Variants in ASXL1 observed in about 807,000 individuals in gnomAD.
ASXL1 encodes polycomb group protein ASXL1.
ASXL1 carries 65 observed loss-of-function variants against 89.1 expected under a neutral mutation model. The ratio of observed to expected loss-of-function variants is 0.73; its 90% CI spans 0.60 to 0.90. The LOEUF (loss-of-function observed/expected upper bound fraction) is 0.90. ASXL1 is among the 40% of genes least tolerant of loss of function. The pLI is 0.00. For synonymous variants in ASXL1, 739 were observed against 746.9 expected (o/e 0.99, Z 0.17); for missense variants, 1,786 against 1,942.9 (o/e 0.92, Z 1.52).
At position 32,434,713 on chromosome 20, in the gene ASXL1, T is replaced by C; in HGVS notation, c.2001T>C (p.Asp667=). Residue 667 remains aspartate, a synonymous_variant, in exon 13 of 13, where the codon GAT becomes GAC. Coordinates refer to ENST00000375687, the MANE Select transcript of ASXL1 (RefSeq NM_015338.6). ...GTGGCAGAGGCAGCAGCAGTGGTGA[T>C]GGTGGTGAGGCCTGTGGCCACCCTG... ...EGGGRGSSSG[D]GGEACGHPEP... 1 of 1,610,090 alleles carries C rather than the reference T, an allele frequency of 6.2e-7. No individual in the cohort carries two copies. The highest frequency in any genetic ancestry group is 8.5e-7 in the Non-Finnish European group (1 of 1,178,630).
chr20:32,430,913 C>T, intron 8 of ASXL1: 3 of 437,224 alleles, frequency 6.9e-6, no homozygotes, highest in South Asian at 6.3e-5. Flanking sequence ...AGCCCATTCA[C>T]AGAAGGCTTC....
chr20:32,395,933 T>C (rs6141701), intron 4 of ASXL1, among the ~76,000 whole-genome samples: 53,363 of 151,848 alleles, frequency 0.35, 10,451 homozygotes, highest in East Asian at 0.73. Context: ...CAAGTAGCTG[T>C]GATTACAGGC....
At chr20:32,405,661 C>T (rs989341133) in intron 4 of ASXL1, among the ~76,000 whole-genome samples, 8 of 152,094 alleles carry the variant, frequency 5.3e-5, no homozygotes, top group African/African-American at 1.9e-4. Context: ...ATTTTCGTGA[C>T]CTTGACTCCT....
rs2048052111 is a variant in ASXL1, at chr20:32,358,621, GC to G, written c.-152del. 1 of 189,952 alleles carries G rather than the reference GC, an allele frequency of 5.3e-6. No homozygotes were observed. Among genetic ancestry groups the G allele is most frequent in the Non-Finnish European group, 1.0e-5 (1 of 99,098 alleles). 11.8% of individuals were successfully genotyped at this position (189,952 alleles called of 1,614,324 possible). A position where few individuals can be genotyped will look rare whatever the true frequency, so the allele number is the denominator to read the frequency against. On this transcript the variant is annotated 5_prime_UTR_variant, in exon 1 of 13. Coordinates refer to ENST00000375687, the MANE Select transcript of ASXL1 (RefSeq NM_015338.6). ...CTCTCGCGCCAGCCGGTCCCCGCGT[GC>G]CCGCCCCTTCTCCCCGGCCGCACCC...
At chr20:32,394,825 T>C (rs111304952) in intron 4 of ASXL1, among the ~76,000 whole-genome samples, 2 of 152,078 alleles carry the variant, frequency 1.3e-5, no homozygotes, top group Admixed American at 6.6e-5. Flanking sequence ...GTGATTCTTA[T>C]GCCTCAGCCT....
At chr20:32,384,662 C>G (rs578155959) in intron 4 of ASXL1, among the ~76,000 whole-genome samples, 1 of 152,242 alleles carries the variant, frequency 6.6e-6, no homozygotes, top group Admixed American at 6.5e-5. Context: ...TTTCAGGGCC[C>G]TGGTCAGAGT....
chr20:32,374,858 ATT>A (rs1052982199), intron 4 of ASXL1, among the ~76,000 whole-genome samples: 3 of 152,164 alleles, frequency 2.0e-5, no homozygotes, highest in Admixed American at 6.5e-5. Flanking sequence ...ATATATATAT[ATT>A]TTTACTTTAC....
At position 32,434,738 on chromosome 20, in the gene ASXL1, G is replaced by A. The variant is rs1026621329; in HGVS notation, c.2026G>A (p.Glu676Lys). The A allele has an allele frequency of 3.7e-6, 6 of 1,612,810 alleles. No homozygotes were observed. The highest frequency in any genetic ancestry group is 5.1e-6 in the Non-Finnish European group (6 of 1,179,776). ...TGGTGGTGAGGCCTGTGGCCACCCTGAGCCCAGGGGAGGCCCGAGCACCCC... is the reference window on the plus strand; with the variant it reads ...TGGTGGTGAGGCCTGTGGCCACCCTAAGCCCAGGGGAGGCCCGAGCACCCC... ...GDGGEACGHPEPRGGPSTPGK... is the reference protein window; with the variant it reads ...GDGGEACGHPKPRGGPSTPGK... The change falls in exon 13 of 13, where the codon GAG becomes AAG. Residue 676 changes from glutamate to lysine, a missense_variant. Physicochemically the swap from Glu to Lys is moderately conservative, Grantham distance 56. This residue lies in a region of ASXL1 where 1,418 missense variants were observed against 1,427.8 expected (regional missense o/e 0.99). Coordinates refer to ENST00000375687, the MANE Select transcript of ASXL1 (RefSeq NM_015338.6).
chr20:32,376,877 A>G (rs1247915980), intron 4 of ASXL1, among the ~76,000 whole-genome samples: 1 of 145,030 alleles, frequency 6.9e-6, no homozygotes, highest in Non-Finnish European at 1.5e-5. Flanking sequence ...TATGTTATAT[A>G]TTTTATATTT....
chr20:32,367,611 T>C (rs2048227873), intron 2 of ASXL1, 116 bp from the exon 3 acceptor site: 14 of 744,424 alleles, frequency 1.9e-5, no homozygotes, highest in Admixed American at 9.1e-5. Flanking sequence ...ACATCACATT[T>C]ATTTGACTTG....
chr20:32,432,469 G>C (rs1431270669), intron 10 of ASXL1: 5 of 260,874 alleles, frequency 1.9e-5, no homozygotes, highest in Non-Finnish European at 3.7e-5. Context: ...AAGCCGTATT[G>C]TTTGCATAAA....
At chr20:32,426,345 A>AGT (rs2011285373) in intron 4 of ASXL1, among the ~76,000 whole-genome samples, 1 of 152,080 alleles carries the variant, frequency 6.6e-6, no homozygotes, top group South Asian at 2.1e-4. Context: ...TAACTTTGCC[A>AGT]GTGTAATAGA....
In ASXL1 at chr20:32,403,834, A is replaced by G. The variant is rs549551574; in HGVS notation, c.253-24294A>G. ...TGACATCTTGGCCATGTTGTCTTCC[A>G]GTTCATGGATATAGTATGTTTTTTT... On this transcript the variant is annotated intron_variant, in intron 4 of 12. Transcript: ENST00000375687. 9.2e-5 allele frequency among the ~76,000 whole-genome samples: 14 copies of G among 152,246 alleles called. No individual in the cohort carries two copies. The South Asian group carries it at 2.7e-3, about 29-fold the overall frequency.
At chr20:32,374,829 C>T (rs1008638905) in intron 4 of ASXL1, among the ~76,000 whole-genome samples, 1 of 152,088 alleles carries the variant, frequency 6.6e-6, no homozygotes, top group Non-Finnish European at 1.5e-5. Flanking sequence ...ACACCCTAAT[C>T]CAAGGTGGTG....
chr20:32,434,612 A>T lies in ASXL1; in HGVS notation c.1900A>T (p.Arg634Ter). ...VRGARGHHCH[R>*]EAATTAIGGG... ...AGGGGCGAGAGGTCACCACTGCCAT[A>T]GAGAGGCGGCCACCACTGCCATCGG... is the stretch of plus-strand genomic sequence containing the variant. The change falls in exon 13 of 13, where the codon AGA becomes TGA. Residue 634 changes from arginine (R) to a stop codon, truncating the protein, a stop_gained. Coordinates refer to ENST00000375687, the MANE Select transcript of ASXL1 (RefSeq NM_015338.6). LOFTEE classifies it low-confidence loss of function (END_TRUNC). 1 of 1,610,820 alleles carries T rather than the reference A, an allele frequency of 6.2e-7. No homozygotes were observed. The highest frequency in any genetic ancestry group is 8.5e-7 in the Non-Finnish European group (1 of 1,178,518).
Position 32,358,696 on chromosome 20 carries a change from C to T in ASXL1, c.-80C>T. Reference sequence around the variant, plus strand: ...CACGCGCCCCCCCCACCGCCGCCGCCGCCCCAGCCCCGCGCCACCGCCCCA... The same window carrying T: ...CACGCGCCCCCCCCACCGCCGCCGCTGCCCCAGCCCCGCGCCACCGCCCCA... On this transcript the variant is annotated 5_prime_UTR_variant, in exon 1 of 13. Coordinates refer to ENST00000375687, the MANE Select transcript of ASXL1 (RefSeq NM_015338.6). 1.9e-5 allele frequency: 14 copies of T among 734,312 alleles called. No homozygotes were observed. Among genetic ancestry groups the T allele is most frequent in the Non-Finnish European group, 2.5e-5 (14 of 568,584 alleles). 45.5% of individuals were successfully genotyped at this position (734,312 alleles called of 1,614,324 possible).
In ASXL1 at chr20:32,417,171, G is replaced by A. The variant is rs562867817; in HGVS notation, c.253-10957G>A. Among the ~76,000 whole-genome samples, 10 of 152,140 alleles carry A rather than the reference G, an allele frequency of 6.6e-5. No homozygotes were observed. In the South Asian group the frequency reaches 2.1e-3, roughly 32 times the overall value. On this transcript the variant is annotated intron_variant, in intron 4 of 12. Transcript: ENST00000375687. ...TAAAAATTAATGTGTTTGATTATGGGTTGCTGGTGGTGCTGATACACAATA... is the reference window on the plus strand; with the variant it reads ...TAAAAATTAATGTGTTTGATTATGGATTGCTGGTGGTGCTGATACACAATA...
intron 1 of ASXL1, among the ~76,000 whole-genome samples, chr20:32,362,146 C>T (rs763780443): frequency 2.6e-5 from 4 of 152,136 alleles, no homozygotes; most frequent in Non-Finnish European, 5.9e-5. Context: ...TTTGTGAGAG[C>T]GTACACTGGA....
At chr20:32,364,102 T>A (rs1266055800) in intron 1 of ASXL1, among the ~76,000 whole-genome samples, 3 of 152,210 alleles carry the variant, frequency 2.0e-5, no homozygotes, top group African/African-American at 7.2e-5. Flanking sequence ...ATGTAAAAAT[T>A]TGAATCTAAC....
Sources: gnomAD v4.1 joint callset for allele counts (sites outside exome capture counted in the v4.1 genomes callset) on GRCh38, gnomAD v4.1.1 for gene constraint, gnomAD v4.1.1 regional missense constraint, MANE v1.5 for transcripts, NCBI Gene and HGNC (gene_info 2026-07-23, HGNC 2026-07-21) for gene names.